The following MEGF11 variants were observed in gnomAD, a reference collection of about 807,000 sequenced individuals.
MEGF11 encodes the protein multiple epidermal growth factor-like domains protein 11.
A neutral mutation model predicts 146.6 loss-of-function variants in MEGF11; 126 were observed. The ratio of observed to expected loss-of-function variants is 0.86; its 90% confidence interval spans 0.74 to 1.00. The LOEUF (loss-of-function observed/expected upper bound fraction) is 1.00. Among genes scored for constraint, MEGF11 ranks in the 50% least tolerant of loss-of-function variants. The pLI is 0.00. For missense variants in MEGF11, 1,509 were observed against 1,521.2 expected, an observed-to-expected ratio of 0.99 and a Z score of 0.13; for synonymous variants, 532 against 583.4, an observed-to-expected ratio of 0.91 and a Z score of 1.27.
intron 1 of MEGF11, among the ~76,000 whole-genome samples, chr15:66,217,414 A>G (rs1414452809): frequency 6.6e-6 from 1 of 152,200 alleles, no homozygotes; most frequent in Admixed American, 6.5e-5. Flanking sequence ...CTACTTCACA[A>G]AAGGACAGCT....
At chr15:66,030,219 G>C (rs1333363854) in intron 5 of MEGF11, among the ~76,000 whole-genome samples, 2 of 152,152 alleles carry the variant, frequency 1.3e-5, no homozygotes, top group East Asian at 3.8e-4. Flanking sequence ...CAAAATGGCA[G>C]GTATTCACAT....
intron 1 of MEGF11, among the ~76,000 whole-genome samples, chr15:66,195,404 G>A (rs747716289): frequency 4.0e-4 from 61 of 152,330 alleles, no homozygotes; most frequent in Non-Finnish European, 7.6e-4. Flanking sequence ...GGGGGTCACT[G>A]AAGGTCTCCC....
Position 65,964,952 on chromosome 15 carries a change from T to C in MEGF11, c.1068A>G (p.Pro356=). ...ERLCPEGLHG[P]GCTLPCPCDA... is the part of the protein sequence containing the mutation. ...CACAGGGGCAGGGCAGGGTGCAGCC[T>C]GGGCCATGCAGGCCCTCCGGGCACA... is the stretch of plus-strand genomic sequence containing the variant. The change falls in exon 9 of 26, where the codon CCA becomes CCG. Residue 356 remains proline (P), a synonymous_variant. Transcript: ENST00000395614. 1.3e-6 allele frequency: 2 copies of C among 1,575,858 alleles called. No individual in the cohort carries two copies. Among genetic ancestry groups the C allele is most frequent in the Non-Finnish European group, 1.7e-6 (2 of 1,161,332 alleles).
chr15:66,211,953 T>A (rs2091465931), intron 1 of MEGF11, among the ~76,000 whole-genome samples: 1 of 354 alleles, frequency 2.8e-3, no homozygotes. Flanking sequence ...TGAAACAAAA[T>A]CAAAACTCTC....
intron 23 of MEGF11, chr15:65,906,787 T>C (rs1321597221): frequency 6.6e-6 from 1 of 152,222 alleles, no homozygotes; most frequent in Non-Finnish European, 1.5e-5. Context: ...TACTCATTTT[T>C]TGGGGTGTGC....
chr15:65,901,274 A>C (rs2078488187), intron 24 of MEGF11, among the ~76,000 whole-genome samples: 1 of 152,058 alleles, frequency 6.6e-6, no homozygotes, highest in South Asian at 2.1e-4. Context: ...CTGGTTTGGA[A>C]GCTGAGGACT....
chr15:66,119,436 G>A (rs2087907240), intron 3 of MEGF11, among the ~76,000 whole-genome samples: 1 of 152,188 alleles, frequency 6.6e-6, no homozygotes, highest in South Asian at 2.1e-4. Flanking sequence ...TAAATAGAAG[G>A]GCTGCAGAAG....
chr15:66,132,650 G>T (rs1418681964), intron 1 of MEGF11, among the ~76,000 whole-genome samples: 1 of 152,210 alleles, frequency 6.6e-6, no homozygotes, highest in African/African-American at 2.4e-5. Flanking sequence ...AAGGGGGGCT[G>T]AGTGGGAAAG....
At chr15:66,156,950 G>A (rs1391525685) in intron 1 of MEGF11, among the ~76,000 whole-genome samples, 1 of 152,072 alleles carries the variant, frequency 6.6e-6, no homozygotes, top group Non-Finnish European at 1.5e-5. Flanking sequence ...TGAGTCAGGT[G>A]CCTCCAATAT....
rs79672182 is a variant in MEGF11 at position 66,107,710 on chromosome 15, C to T, written c.301+11376G>A. 3.0e-3 allele frequency among the ~76,000 whole-genome samples: 464 copies of T among 152,278 alleles called. 1 individual carries two copies. The highest frequency in any genetic ancestry group is 0.011 in the African/African-American group (441 of 41,560). ...CCTCAGACCAGGGACCTGTCTGAAG[C>T]AGGCCACCCTCCACTCTGGACTCTC... On this transcript the variant is annotated intron_variant, in intron 4 of 25. Transcript: ENST00000395614.
At chr15:66,219,094 C>T (rs1035069478) in intron 1 of MEGF11, among the ~76,000 whole-genome samples, 5 of 150,290 alleles carry the variant, frequency 3.3e-5, no homozygotes, top group East Asian at 1.9e-4. Flanking sequence ...TCAAAATGGA[C>T]GGTCTTAAAT....
intron 9 of MEGF11, among the ~76,000 whole-genome samples, chr15:65,962,166 C>CAAGAGAAGACTCTATAAT (rs1555456521): frequency 1.3e-5 from 2 of 152,134 alleles, no homozygotes; most frequent in African/African-American, 2.4e-5. Flanking sequence ...TCTTGAATCT[C>CAAGAGAAGACTCTATAAT]AAGAGAAGAC....
At chr15:66,105,303 GAGAC>G (rs1318201631) in intron 4 of MEGF11, among the ~76,000 whole-genome samples, 1 of 152,224 alleles carries the variant, frequency 6.6e-6, no homozygotes, top group African/African-American at 2.4e-5. Context: ...GAGGAAGAGA[GAGAC>G]AGAAAAGGGA....
chr15:65,966,769 C>T (rs2081115054), intron 8 of MEGF11, among the ~76,000 whole-genome samples: 1 of 152,080 alleles, frequency 6.6e-6, no homozygotes, highest in Non-Finnish European at 1.5e-5. Context: ...CTTCATTTAA[C>T]CCACAGCCAT....
At chr15:66,213,829 T>C (rs1178061138) in intron 1 of MEGF11, among the ~76,000 whole-genome samples, 1 of 152,052 alleles carries the variant, frequency 6.6e-6, no homozygotes, top group African/African-American at 2.4e-5. Flanking sequence ...CAGCAAGCTC[T>C]CTCCACCCTG....
intron 1 of MEGF11, among the ~76,000 whole-genome samples, chr15:66,165,095 A>G (rs2090061963): frequency 6.6e-6 from 1 of 152,196 alleles, no homozygotes; most frequent in Non-Finnish European, 1.5e-5. Flanking sequence ...AGCACGTTAG[A>G]AACAGTATTT....
intron 10 of MEGF11, among the ~76,000 whole-genome samples, chr15:65,957,046 T>C (rs1215751627): frequency 6.6e-6 from 1 of 152,186 alleles, no homozygotes; most frequent in Non-Finnish European, 1.5e-5. Context: ...GAATGCTATT[T>C]GTATGAAGAT....
At chr15:66,253,098 A>G (rs1171556511) in intron 1 of MEGF11, among the ~76,000 whole-genome samples, 3 of 152,330 alleles carry the variant, frequency 2.0e-5, no homozygotes, top group East Asian at 1.9e-4. Flanking sequence ...CGCGGGGCGC[A>G]TCGCCGGCCG....
At chr15:66,078,538 G>A (rs1243949254) in intron 5 of MEGF11, among the ~76,000 whole-genome samples, 1 of 152,224 alleles carries the variant, frequency 6.6e-6, no homozygotes, top group Non-Finnish European at 1.5e-5. Flanking sequence ...CCATCACCAG[G>A]CCCCTCTCTG....
Sources: gnomAD v4.1 joint callset for allele counts (sites outside exome capture counted in the v4.1 genomes callset) on GRCh38, gnomAD v4.1.1 for gene constraint, MANE v1.5 for transcripts, NCBI Gene and HGNC (gene_info 2026-07-23, HGNC 2026-07-21) for gene names.